The following LRRK1 variants were observed in gnomAD, a reference collection of about 807,000 sequenced individuals.
The protein encoded by LRRK1 is leucine-rich repeat serine/threonine-protein kinase 1.
Under a neutral mutation model 209.1 loss-of-function variants are expected in LRRK1, and 113 were observed. The observed-to-expected ratio is 0.54, with a 90% CI of 0.46 to 0.63. The LOEUF (loss-of-function observed/expected upper bound fraction) is 0.63, where lower values mean the gene tolerates loss of function less well. LRRK1 is among the 30% of genes least tolerant of loss of function. The probability of loss-of-function intolerance (pLI) is 0.00; values close to 1 mark genes in which losing one functional copy is unlikely to be tolerated. For missense variants in LRRK1, 2,284 were observed against 2,632.2 expected, an observed-to-expected ratio of 0.87 and a Z score of 2.89; for synonymous variants, 1,144 against 1,099.7, an observed-to-expected ratio of 1.04 and a Z score of -0.80.
At position 100,990,720 on chromosome 15, in the gene LRRK1, GTTT is replaced by G. The variant is rs34973825; in HGVS notation, c.762+1333_762+1335del. Among the ~76,000 whole-genome samples, 1,377 of 138,734 alleles carry G rather than the reference GTTT, an allele frequency of 9.9e-3. 18 individuals are homozygous for G. Among genetic ancestry groups the G allele is most frequent in the Middle Eastern group, 0.03 (8 of 270 alleles). 91.0% of individuals were successfully genotyped at this position (138,734 alleles called of 152,430 possible). The stretch of plus-strand genomic sequence containing the variant: ...TTGTCTTTTTTTCTCACTTTGGAGG[GTTT>G]TTTTTTTTTTGAACATTAGAGATTT... On this transcript the variant is annotated intron_variant, in intron 6 of 33. Transcript: ENST00000388948.
At chr15:100,962,888 AT>A (rs1490504867) in intron 2 of LRRK1, among the ~76,000 whole-genome samples, 2 of 130,062 alleles carry the variant, frequency 1.5e-5, no homozygotes, top group East Asian at 4.4e-4. Flanking sequence ...CAATGGCGCA[AT>A]CTCGGCTCAC....
intron 2 of LRRK1, among the ~76,000 whole-genome samples, chr15:100,965,874 A>G (rs1346082731): frequency 6.6e-6 from 1 of 152,214 alleles, no homozygotes; most frequent in Non-Finnish European, 1.5e-5. Flanking sequence ...GAGAACCAAA[A>G]GGATTTTCTA....
At chr15:100,935,009 C>T (rs1032938475) in intron 2 of LRRK1, among the ~76,000 whole-genome samples, 8 of 152,116 alleles carry the variant, frequency 5.3e-5, no homozygotes, top group African/African-American at 9.7e-5. Context: ...GTTTATTGAA[C>T]ATACTGAAAA....
At chr15:100,932,764 G>A (rs1417825568) in intron 2 of LRRK1, among the ~76,000 whole-genome samples, 1 of 152,172 alleles carries the variant, frequency 6.6e-6, no homozygotes, top group Non-Finnish European at 1.5e-5. Flanking sequence ...CCTCTCTATT[G>A]CTGATCCGTT....
chr15:101,019,019 C>A (rs1195303130), intron 12 of LRRK1, among the ~76,000 whole-genome samples: 1 of 152,092 alleles, frequency 6.6e-6, no homozygotes, highest in Non-Finnish European at 1.5e-5. Flanking sequence ...TTTGGATGGC[C>A]GTTTTTACGG....
In LRRK1 at chr15:101,022,799, T is replaced by C. The variant is rs1160658747; in HGVS notation, c.2067+202T>C. Among the ~76,000 whole-genome samples the C allele has an allele frequency of 6.6e-6, 1 of 151,484 alleles. No homozygotes were observed. The highest frequency in any genetic ancestry group is 1.5e-5 in the Non-Finnish European group (1 of 67,990). ...TTCTTAATGTGACTTTGTGATGTTT[T>C]CTTTTTCTTTACTTTTCTTTTTTTT... On this transcript the variant is annotated intron_variant, in intron 15 of 33. Transcript: ENST00000388948. The surrounding 1 kb of genome is among the most constrained non-coding windows in gnomAD (Gnocchi z 4.0).
At chr15:100,934,802 CAAAAAAA>C (rs56258040) in intron 2 of LRRK1, among the ~76,000 whole-genome samples, 14 of 53,448 alleles carry the variant, frequency 2.6e-4, no homozygotes, top group East Asian at 6.6e-4. Context: ...GAAACTGTCT[CAAAAAAA>C]AAAAAAAAAA....
intron 7 of LRRK1, among the ~76,000 whole-genome samples, chr15:101,009,336 A>G (rs2033128646): frequency 6.6e-6 from 1 of 152,224 alleles, no homozygotes; most frequent in Non-Finnish European, 1.5e-5. Flanking sequence ...CCCAGGAATC[A>G]GATGAGGGCA....
chr15:100,942,290 G>A (rs933484144), intron 2 of LRRK1, among the ~76,000 whole-genome samples: 5 of 152,120 alleles, frequency 3.3e-5, no homozygotes, highest in Admixed American at 6.5e-5. Flanking sequence ...ATCTGTTTGC[G>A]GAATGGTTAG....
intron 29 of LRRK1, among the ~76,000 whole-genome samples, chr15:101,060,166 G>A (rs968938073): frequency 4.6e-5 from 7 of 152,160 alleles, no homozygotes; most frequent in Non-Finnish European, 8.8e-5. Flanking sequence ...CCAAGCAGGG[G>A]AGCCAGGATG....
In LRRK1 at chr15:100,924,552, C is replaced by A; in HGVS notation, c.-81C>A. 2.4e-6 allele frequency: 3 copies of A among 1,260,560 alleles called. No individual in the cohort carries two copies. Among genetic ancestry groups the A allele is most frequent in the Non-Finnish European group, 3.5e-6 (3 of 863,544 alleles). 78.1% of individuals were successfully genotyped at this position (1,260,560 alleles called of 1,614,324 possible). On this transcript the variant is annotated 5_prime_UTR_variant, in exon 2 of 34. Transcript: ENST00000388948. ...GCTCAGCCATGGCTACGAGTCCACGCCTTAATGCACCCCACAGCCAGCGGC... is the reference window on the plus strand; with the variant it reads ...GCTCAGCCATGGCTACGAGTCCACGACTTAATGCACCCCACAGCCAGCGGC...
chr15:100,929,164 T>C (rs1320183761), intron 2 of LRRK1, among the ~76,000 whole-genome samples: 1 of 152,168 alleles, frequency 6.6e-6, no homozygotes, highest in African/African-American at 2.4e-5. Flanking sequence ...TCCTGGAAAG[T>C]AGAGAAGTCA....
At position 101,061,215 on chromosome 15, in the gene LRRK1, A is replaced by G; in HGVS notation, c.4724A>G (p.Gln1575Arg). The G allele has an allele frequency of 6.2e-7, 1 of 1,614,188 alleles. No homozygotes were observed. Among genetic ancestry groups the G allele is most frequent in the Non-Finnish European group, 8.5e-7 (1 of 1,180,018 alleles). ...ACAGAGAAGGGCCTCATGGAGGTGC[A>G]GAGGATGTGCTGCCCTGGGATGAAG... ...VNTEKGLMEV[Q>R]RMCCPGMKVS... The change falls in exon 30 of 34, where the codon CAG (glutamine) becomes CGG (arginine). Residue 1575 changes from glutamine (Q) to arginine (R), a missense_variant. Physicochemically the swap from Gln to Arg is conservative, Grantham distance 43 (BLOSUM62 1). Coordinates refer to ENST00000388948, the MANE Select transcript of LRRK1 (RefSeq NM_024652.6).
chr15:100,997,910 T>G (rs1008012140), intron 6 of LRRK1, among the ~76,000 whole-genome samples: 2 of 152,164 alleles, frequency 1.3e-5, no homozygotes, highest in African/African-American at 4.8e-5. Flanking sequence ...CTGGGTGCGG[T>G]GGCTCACGCC....
intron 21 of LRRK1, among the ~76,000 whole-genome samples, chr15:101,047,407 C>G (rs1009784037): frequency 1.3e-5 from 2 of 152,238 alleles, no homozygotes; most frequent in Admixed American, 1.3e-4. Flanking sequence ...CCTTTGAACT[C>G]TGTGTGCCGC....
In LRRK1 at chr15:101,073,746, C is replaced by A. The variant is rs908284860; in HGVS notation, c.*4898C>A. On this transcript the variant is annotated 3_prime_UTR_variant, in exon 34 of 34. Transcript: ENST00000388948. Reference sequence around the variant, plus strand: ...GAGAGTAAGAACCCCTGAACCGCTTCTCTCCGTGTCTCTACTCTCCCTTTT... The same window carrying A: ...GAGAGTAAGAACCCCTGAACCGCTTATCTCCGTGTCTCTACTCTCCCTTTT... The A allele has an allele frequency of 6.6e-6, 1 of 152,134 alleles. No homozygotes were observed. The highest frequency in any genetic ancestry group is 2.4e-5 in the African/African-American group (1 of 41,400). The allele number at this position is 152,134 out of a possible 1,614,324, so 9.4% of individuals were successfully genotyped here.
At chr15:100,999,891 T>A (rs2032607718) in intron 6 of LRRK1, among the ~76,000 whole-genome samples, 1 of 152,262 alleles carries the variant, frequency 6.6e-6, no homozygotes, top group Non-Finnish European at 1.5e-5. Context: ...GTTGACTGTT[T>A]AATATATGAT....
intron 4 of LRRK1, among the ~76,000 whole-genome samples, chr15:100,986,779 A>G (rs1461166519): frequency 1.3e-5 from 2 of 152,310 alleles, no homozygotes; most frequent in East Asian, 1.9e-4. Context: ...CCTGTTTAAG[A>G]TACATTCCCC....
intron 21 of LRRK1, among the ~76,000 whole-genome samples, chr15:101,047,554 A>T (rs559424898): frequency 6.6e-6 from 1 of 152,236 alleles, no homozygotes; most frequent in African/African-American, 2.4e-5. Flanking sequence ...AAGAAGTCCT[A>T]TTGAAATTCA....
Sources: allele counts gnomAD v4.1 joint callset (sites outside exome capture counted in the v4.1 genomes callset), GRCh38; gene constraint gnomAD v4.1.1; non-coding constraint Gnocchi (gnomAD v3.1); transcripts MANE v1.5; gene names NCBI Gene and HGNC (gene_info 2026-07-23, HGNC 2026-07-21).